Variants in FBLN2 observed in about 807,000 individuals in gnomAD.
FBLN2 encodes fibulin 2.
Under a neutral mutation model 123.7 loss-of-function variants are expected in FBLN2, and 81 were observed. The ratio of observed to expected loss-of-function variants is 0.65; its 90% CI spans 0.55 to 0.79. The LOEUF is 0.79. Ranked by LOEUF, FBLN2 falls within the 30% of genes least tolerant of loss-of-function variation. FBLN2 has a pLI of 0.00. For synonymous variants in FBLN2, 699 were observed against 701.4 expected (o/e 1.00, Z 0.05); for missense variants, 1,603 against 1,681.3 (o/e 0.95, Z 0.81).
chr3:13,558,425 G>C (rs751319485), intron 1 of FBLN2, among the ~76,000 whole-genome samples: 2 of 151,946 alleles, frequency 1.3e-5, no homozygotes, highest in Non-Finnish European at 2.9e-5. Context: ...GAGACTAAAA[G>C]GCGGACGCAG....
At position 13,629,385 on chromosome 3, in the gene FBLN2, G is replaced by A. The variant is rs368601840; in HGVS notation, c.2842+93G>A. 7.4e-4 allele frequency: 1,063 copies of A among 1,431,504 alleles called. 2 individuals carry two copies. The highest frequency in any genetic ancestry group is 8.4e-4 in the Non-Finnish European group (906 of 1,072,860). The allele number at this position is 1,431,504 out of a possible 1,614,324, so 88.7% of individuals were successfully genotyped here. Reference sequence around the variant, plus strand: ...CCTCCCCATGCCCAGCACCTCCACTGCCTGAGTGGGGCCCACCTGCTGGAG... The same window carrying A: ...CCTCCCCATGCCCAGCACCTCCACTACCTGAGTGGGGCCCACCTGCTGGAG... On this transcript the variant is annotated intron_variant, in intron 13 of 17. Coordinates refer to ENST00000404922, the MANE Select transcript of FBLN2 (RefSeq NM_001004019.2).
At chr3:13,584,773 C>T (rs538409127) in intron 2 of FBLN2, among the ~76,000 whole-genome samples, 4 of 152,158 alleles carry the variant, frequency 2.6e-5, no homozygotes, top group African/African-American at 4.8e-5. Flanking sequence ...AGGGACTGTC[C>T]GCAATGCCAC....
intron 5 of FBLN2, among the ~76,000 whole-genome samples, chr3:13,616,462 G>A (rs537515289): frequency 6.6e-6 from 1 of 152,326 alleles, no homozygotes; most frequent in South Asian, 2.1e-4. Context: ...CCTGGGTCCA[G>A]GTCTGTCCGC....
In FBLN2 at chr3:13,629,027, G is replaced by C. The variant is rs557670680; in HGVS notation, c.2692G>C (p.Asp898His). Residue 898 changes from aspartate to histidine, a missense_variant, in exon 12 of 18, where the codon GAT becomes CAT. Transcript: ENST00000404922. ...LICARGYHASDDGTKCVDVNE... is the reference protein window; with the variant it reads ...LICARGYHASHDGTKCVDVNE... The stretch of plus-strand genomic sequence containing the variant: ...CTGCGCGCGCGGCTACCACGCCAGC[G>C]ATGATGGGACCAAGTGTGTGGGTAA... 1.5e-4 allele frequency: 249 copies of C among 1,613,356 alleles called. 1 individual carries two copies. The East Asian group carries it at 4.7e-3, about 30-fold the overall frequency.
At chr3:13,622,616 G>A (rs541134512) in intron 9 of FBLN2, among the ~76,000 whole-genome samples, 3 of 152,340 alleles carry the variant, frequency 2.0e-5, no homozygotes, top group Admixed American at 6.5e-5. Context: ...GCTCATACCC[G>A]GCACCTGGCC....
At chr3:13,567,422 A>G (rs1703781720) in intron 1 of FBLN2, among the ~76,000 whole-genome samples, 2 of 152,292 alleles carry the variant, frequency 1.3e-5, no homozygotes, top group South Asian at 4.1e-4. Context: ...CAGTGGCACG[A>G]TCTCGGCTCA....
chr3:13,604,446 A>C (rs935058536), intron 2 of FBLN2, among the ~76,000 whole-genome samples: 6 of 152,272 alleles, frequency 3.9e-5, no homozygotes, highest in African/African-American at 1.4e-4. Context: ...TCAGCTTTCT[A>C]CATATGGCTA....
intron 1 of FBLN2, among the ~76,000 whole-genome samples, chr3:13,558,463 G>A (rs944950181): frequency 1.3e-5 from 2 of 152,010 alleles, no homozygotes; most frequent in Non-Finnish European, 2.9e-5. Flanking sequence ...TATGAAAGGT[G>A]GACACGTACC....
At chr3:13,576,670 G>A (rs1195907202) in intron 2 of FBLN2, among the ~76,000 whole-genome samples, 1 of 152,070 alleles carries the variant, frequency 6.6e-6, no homozygotes, top group Non-Finnish European at 1.5e-5. Flanking sequence ...CAGGATGGCA[G>A]GAGAACTAGG....
chr3:13,602,910 C>CTTT (rs199820446), intron 2 of FBLN2, among the ~76,000 whole-genome samples: 5 of 148,052 alleles, frequency 3.4e-5, no homozygotes, highest in Admixed American at 6.7e-5. Context: ...TTCTTTCTTT[C>CTTT]TTTCTTTTTT....
At chr3:13,637,377 TTAACCTCATC>T (rs1343131818) in intron 17 of FBLN2, among the ~76,000 whole-genome samples, 175 bp from the exon 18 acceptor site, 1 of 152,234 alleles carries the variant, frequency 6.6e-6, no homozygotes, top group Non-Finnish European at 1.5e-5. Flanking sequence ...GAAGGTTTTA[TTAACCTCATC>T]TCGCAGGCAA....
intron 1 of FBLN2, among the ~76,000 whole-genome samples, chr3:13,559,930 G>A (rs1703562019): frequency 6.6e-6 from 1 of 152,206 alleles, no homozygotes; most frequent in Non-Finnish European, 1.5e-5. Flanking sequence ...CTAGGGTCGG[G>A]TGGAGGGTGT....
chr3:13,611,379 A>T (rs1430468392), intron 4 of FBLN2, among the ~76,000 whole-genome samples: 3 of 152,158 alleles, frequency 2.0e-5, no homozygotes, highest in African/African-American at 7.2e-5. Context: ...CACCCAAGGA[A>T]CTTTCTTATC....
chr3:13,637,420 TA>T, intron 17 of FBLN2, 141 bp from the exon 18 acceptor site: 1 of 701,026 alleles, frequency 1.4e-6, no homozygotes, highest in Non-Finnish European at 2.3e-6. Context: ...CCAGGGGACG[TA>T]AGGGGACTTG....
chr3:13,581,816 C>G (rs1704341976), intron 2 of FBLN2, among the ~76,000 whole-genome samples: 1 of 152,168 alleles, frequency 6.6e-6, no homozygotes, highest in South Asian at 2.1e-4. Context: ...GAGTCCCTTC[C>G]CACCGTGGTG....
At chr3:13,598,817 G>T (rs1266755225) in intron 2 of FBLN2, among the ~76,000 whole-genome samples, 1 of 152,208 alleles carries the variant, frequency 6.6e-6, no homozygotes, top group African/African-American at 2.4e-5. Context: ...GGACATCATG[G>T]TCGAAGGACA....
rs761293546 is a variant in FBLN2, at chr3:13,571,331, G to A, written c.976G>A (p.Ala326Thr). Reference protein sequence around the residue: ...SLPIQEERAEAGARAEAGARP... With the variant: ...SLPIQEERAETGARAEAGARP... ...TCCTATCCAGGAGGAGAGGGCAGAAGCTGGGGCAAGGGCAGAAGCTGGGGC... is the reference window on the plus strand; with the variant it reads ...TCCTATCCAGGAGGAGAGGGCAGAAACTGGGGCAAGGGCAGAAGCTGGGGC... The change falls in exon 2 of 18, where the codon GCT (alanine) becomes ACT (threonine). Residue 326 changes from alanine to threonine, a missense_variant. Ala to Thr is a moderately conservative substitution (Grantham distance 58, BLOSUM62 0). Transcript: ENST00000404922. The A allele has an allele frequency of 5.4e-5, 87 of 1,607,120 alleles. No homozygotes were observed. The highest frequency in any genetic ancestry group is 7.4e-5 in the Non-Finnish European group (87 of 1,177,264).
chr3:13,564,146 A>C (rs1703679266), intron 1 of FBLN2, among the ~76,000 whole-genome samples: 1 of 152,222 alleles, frequency 6.6e-6, no homozygotes, highest in African/African-American at 2.4e-5. Flanking sequence ...TGGGCCCCAC[A>C]AACACATCTG....
Position 13,570,825 on chromosome 3 carries a change from G to C in FBLN2, c.470G>C (p.Cys157Ser), listed in dbSNP as rs1224376184. ...AAGHTVHLPP[C>S]RACHCPDAGG... Reference sequence around the variant, plus strand: ...GGCCACACTGTTCACCTGCCGCCCTGCCGGGCCTGCCACTGCCCTGACGCC... The same window carrying C: ...GGCCACACTGTTCACCTGCCGCCCTCCCGGGCCTGCCACTGCCCTGACGCC... Residue 157 changes from cysteine (C) to serine (S), a missense_variant, in exon 2 of 18, where the codon TGC becomes TCC. Coordinates refer to ENST00000404922, the MANE Select transcript of FBLN2 (RefSeq NM_001004019.2). The C allele has an allele frequency of 2.5e-6, 4 of 1,600,724 alleles. No homozygotes were observed. The highest frequency in any genetic ancestry group is 1.3e-5 in the African/African-American group (1 of 74,584).
Sources: gnomAD v4.1 joint callset for allele counts (sites outside exome capture counted in the v4.1 genomes callset) on GRCh38, gnomAD v4.1.1 for gene constraint, MANE v1.5 for transcripts, NCBI Gene and HGNC (gene_info 2026-07-23, HGNC 2026-07-21) for gene names.